Variants in ZNF469 observed in about 807,000 individuals in gnomAD.
The protein encoded by ZNF469 is zinc finger protein 469.
A neutral mutation model predicts 1.0 loss-of-function variants in ZNF469; 1 was observed. The observed-to-expected ratio is 1.00, with a 90% confidence interval of 0.35 to 4.73. The LOEUF is 4.73. ZNF469 is among the 30% of genes most tolerant of loss of function. The pLI, the probability that ZNF469 is intolerant of heterozygous loss-of-function variation, is 0.16. For synonymous variants in ZNF469, 2,703 were observed against 2,363.4 expected, an observed-to-expected ratio of 1.14 and a Z score of -4.17; for missense variants, 6,100 against 5,356.3, an observed-to-expected ratio of 1.14 and a Z score of -4.33.
rs939102666 is a variant in ZNF469, at chr16:88,431,655, G to A, written c.4185G>A (p.Leu1395=). Residue 1395 remains leucine, a synonymous_variant, in exon 3 of 3, where the codon CTG becomes CTA. Coordinates refer to ENST00000565624, the MANE Select transcript of ZNF469 (RefSeq NM_001367624.2). The part of the protein sequence containing the change: ...LGPKDLAGCF[L]EELHPKPSAR... Reference sequence around the variant, plus strand: ...CCAAAGACCTGGCTGGCTGTTTCCTGGAAGAACTGCACCCCAAGCCCTCAG... The same window carrying A: ...CCAAAGACCTGGCTGGCTGTTTCCTAGAAGAACTGCACCCCAAGCCCTCAG... 1.3e-6 allele frequency: 2 copies of A among 1,550,334 alleles called. No individual in the cohort carries two copies. The highest frequency in any genetic ancestry group is 2.0e-5 in the Admixed American group (1 of 50,986).
the ZNF469 span, among the ~76,000 whole-genome samples, chr16:88,280,210 A>G: frequency 2.0e-5 from 3 of 151,222 alleles, no homozygotes; most frequent in Non-Finnish European, 2.9e-5. Flanking sequence ...TGTAGACATC[A>G]GTGCACGGTT....
chr16:88,269,654 T>G, the ZNF469 span, among the ~76,000 whole-genome samples: 53 of 152,158 alleles, frequency 3.5e-4, 1 homozygote, highest in Non-Finnish European at 1.5e-5. Context: ...CCGGGACGCT[T>G]GTTTAAATCA....
Position 88,434,824 on chromosome 16 carries a change from A to G in ZNF469, c.7354A>G (p.Lys2452Glu), listed in dbSNP as rs1385826773. The G allele has an allele frequency of 1.9e-6, 3 of 1,550,238 alleles. No homozygotes were observed. The highest frequency in any genetic ancestry group is 1.2e-5 in the South Asian group (1 of 84,072). The change falls in exon 3 of 3, where the codon AAA becomes GAA. Residue 2452 changes from lysine to glutamate, a missense_variant. Coordinates refer to ENST00000565624, the MANE Select transcript of ZNF469 (RefSeq NM_001367624.2). ...CCTCAAACAGAGGTCCCGTGGCTAT[A>G]AAAAGAAGCCTGCATCTACAGAGAA... ...QDLKQRSRGY[K>E]KKPASTENGQ...
the ZNF469 span, among the ~76,000 whole-genome samples, chr16:88,131,910 G>A: frequency 1.2e-4 from 18 of 152,202 alleles, no homozygotes; most frequent in Non-Finnish European, 1.9e-4. Flanking sequence ...CCACCTGCCC[G>A]CTCTGGGTGG....
At chr16:88,248,609 T>C in the ZNF469 span, among the ~76,000 whole-genome samples, 1 of 152,212 alleles carries the variant, frequency 6.6e-6, no homozygotes, top group African/African-American at 2.4e-5. Flanking sequence ...AATAGTACCA[T>C]GAGAGAGGAA....
the ZNF469 span, among the ~76,000 whole-genome samples, chr16:88,125,390 G>T: frequency 0.074 from 11,208 of 152,266 alleles, 502 homozygotes; most frequent in Non-Finnish European, 0.1. Context: ...TATTCCAAAA[G>T]ACGGAGAAAG....
At chr16:88,110,626 C>A in the ZNF469 span, among the ~76,000 whole-genome samples, 2 of 152,248 alleles carry the variant, frequency 1.3e-5, no homozygotes, top group African/African-American at 4.8e-5. Flanking sequence ...GTCCTCCCAG[C>A]GTGGGCTGCT....
At position 88,431,631 on chromosome 16, in the gene ZNF469, C is replaced by T; in HGVS notation, c.4161C>T (p.Pro1387=). ...CCCACAGTGAGTTGTTCCTCGGACC[C>T]AAAGACCTGGCTGGCTGTTTCCTGG... The part of the protein sequence containing the change: ...SSPHSELFLG[P]KDLAGCFLEE... The change falls in exon 3 of 3, where the codon CCC becomes CCT. Residue 1387 remains proline (P), a synonymous_variant. Coordinates refer to ENST00000565624, the MANE Select transcript of ZNF469 (RefSeq NM_001367624.2). 1 of 1,550,468 alleles carries T rather than the reference C, an allele frequency of 6.4e-7. No homozygotes were observed. The highest frequency in any genetic ancestry group is 1.4e-5 in the African/African-American group (1 of 73,174).
the ZNF469 span, among the ~76,000 whole-genome samples, chr16:88,144,849 T>G: frequency 7.2e-6 from 1 of 139,204 alleles, no homozygotes; most frequent in Admixed American, 6.8e-5. Context: ...TTTGCCCCCC[T>G]TTTTTTTTTT....
chr16:88,117,269 C>A, the ZNF469 span, among the ~76,000 whole-genome samples: 1 of 151,780 alleles, frequency 6.6e-6, no homozygotes, highest in African/African-American at 2.4e-5. Flanking sequence ...CGTGTGAGAG[C>A]TGGGGGCATG....
chr16:88,338,200 C>T, the ZNF469 span, among the ~76,000 whole-genome samples: 16 of 152,084 alleles, frequency 1.1e-4, no homozygotes, highest in East Asian at 1.9e-3. Context: ...CGCCTCCAAT[C>T]GCCTGGGGAG....
the ZNF469 span, among the ~76,000 whole-genome samples, chr16:88,170,784 A>C: frequency 1.4e-4 from 21 of 152,056 alleles, no homozygotes; most frequent in African/African-American, 5.1e-4. The surrounding 1 kb of genome is among the most constrained non-coding windows in gnomAD (Gnocchi z 4.2). Context: ...GTACCCGTTG[A>C]TGGGGTTGCA....
the ZNF469 span, among the ~76,000 whole-genome samples, chr16:88,303,915 G>A: frequency 6.6e-6 from 1 of 152,346 alleles, no homozygotes; most frequent in Admixed American, 6.5e-5. Context: ...CTCACTCAGT[G>A]TCATCGCTCT....
the ZNF469 span, among the ~76,000 whole-genome samples, chr16:88,259,670 G>A: frequency 1.3e-5 from 2 of 152,116 alleles, no homozygotes; most frequent in African/African-American, 4.8e-5. This position sits in a 1 kb window ranked among gnomAD's most constrained non-coding sequence, Gnocchi z 4.1. Flanking sequence ...CTCCTCCCAA[G>A]ATGCCTCTCC....
Position 88,429,820 on chromosome 16 carries a change from G to A in ZNF469, c.2350G>A (p.Ala784Thr). 6.5e-7 allele frequency: 1 copy of A among 1,546,536 alleles called. No individual in the cohort carries two copies. The highest frequency in any genetic ancestry group is 8.7e-7 in the Non-Finnish European group (1 of 1,144,580). ...PSPPAAPRVP[A>T]DAHAGLLSHA... ...GCCCCCCGCTGCCCCCAGAGTCCCT[G>A]CCGACGCACACGCGGGCTTGCTCAG... The change falls in exon 3 of 3, where the codon GCC becomes ACC. Residue 784 changes from alanine to threonine, a missense_variant. Ala to Thr is a moderately conservative substitution (Grantham distance 58, BLOSUM62 0). Transcript: ENST00000565624.
intron 1 of ZNF469, among the ~76,000 whole-genome samples, chr16:88,415,670 C>T (rs180772888): frequency 4.6e-5 from 7 of 152,308 alleles, no homozygotes; most frequent in East Asian, 1.9e-4. Flanking sequence ...GCAGGGAGAG[C>T]GCCCGGAAGT....
rs1049942617 is a variant in ZNF469 at position 88,436,639 on chromosome 16, G to A, written c.9169G>A (p.Asp3057Asn). 3 of 1,550,424 alleles carry A rather than the reference G, an allele frequency of 1.9e-6. No homozygotes were observed. Among genetic ancestry groups the A allele is most frequent in the Non-Finnish European group, 2.6e-6 (3 of 1,146,980 alleles). The change falls in exon 3 of 3, where the codon GAC becomes AAC. Residue 3057 changes from aspartate (D) to asparagine (N), a missense_variant. Transcript: ENST00000565624. ...EVLSTKFEMQ[D>N]LCFLGPFEDP... ...GCTCAGCACCAAGTTTGAGATGCAA[G>A]ACCTGTGCTTTCTGGGACCCTTTGA...
At chr16:88,131,907 C>T in the ZNF469 span, among the ~76,000 whole-genome samples, 4 of 152,220 alleles carry the variant, frequency 2.6e-5, no homozygotes, top group African/African-American at 9.6e-5. Context: ...CGCCCACCTG[C>T]CCGCTCTGGG....
rs1424546654 is a variant in ZNF469, at chr16:88,435,151, G to A, written c.7681G>A (p.Val2561Ile). 7 of 1,550,356 alleles carry A rather than the reference G, an allele frequency of 4.5e-6. No homozygotes were observed. In the East Asian group the frequency reaches 1.7e-4, roughly 38 times the overall value. Reference sequence around the variant, plus strand: ...ACCGCCTGCCCAGGGCTCAAAGGAGGTTCTCAGAGCACCGGGGTCCCCACA... The same window carrying A: ...ACCGCCTGCCCAGGGCTCAAAGGAGATTCTCAGAGCACCGGGGTCCCCACA... ...QPPPAQGSKE[V>I]LRAPGSPHSQ... The change falls in exon 3 of 3, where the codon GTT becomes ATT. Residue 2561 changes from valine to isoleucine, a missense_variant. Physicochemically the swap from Val to Ile is conservative, Grantham distance 29. Transcript: ENST00000565624.
Sources: gnomAD v4.1 joint callset for allele counts (sites outside exome capture counted in the v4.1 genomes callset) on GRCh38, gnomAD v4.1.1 for gene constraint, Gnocchi (gnomAD v3.1) non-coding constraint, MANE v1.5 for transcripts, NCBI Gene and HGNC (gene_info 2026-07-23, HGNC 2026-07-21) for gene names.